RALYL: variants seen among roughly 807,000 people sequenced by gnomAD.
RALYL encodes RNA-binding Raly-like protein.
In RALYL, 29 loss-of-function variants were observed where a neutral mutation model predicts 35.1. The observed-to-expected ratio is 0.83, with a 90% CI of 0.61 to 1.13. The LOEUF (loss-of-function observed/expected upper bound fraction) is 1.13. RALYL is among the 50% of genes most tolerant of loss of function. RALYL has a pLI of 0.00. For synonymous variants in RALYL, 120 were observed against 127.6 expected (o/e 0.94, Z 0.40); for missense variants, 359 against 360.4 (o/e 1.00, Z 0.03).
intron 1 of RALYL, among the ~76,000 whole-genome samples, chr8:84,230,360 T>C (rs953225367): frequency 3.3e-5 from 5 of 152,028 alleles, no homozygotes; most frequent in African/African-American, 1.2e-4. Context: ...TGCAGGAGAA[T>C]TTTTGAGGAT....
At chr8:84,416,758 C>T (rs1401269189) in intron 1 of RALYL, among the ~76,000 whole-genome samples, 1 of 152,002 alleles carries the variant, frequency 6.6e-6, no homozygotes, top group East Asian at 1.9e-4. Flanking sequence ...TAATAGTGAC[C>T]TTTTTACTCC....
intron 2 of RALYL, among the ~76,000 whole-genome samples, chr8:84,618,025 G>C (rs1467926380): frequency 6.6e-6 from 1 of 151,834 alleles, no homozygotes; most frequent in Non-Finnish European, 1.5e-5. Flanking sequence ...TTGCATTAAT[G>C]TTCATCAAGG....
intron 1 of RALYL, among the ~76,000 whole-genome samples, chr8:84,266,843 C>A (rs1196762289): frequency 1.3e-5 from 2 of 151,646 alleles, no homozygotes; most frequent in East Asian, 3.9e-4. Flanking sequence ...GCCTGTAGTC[C>A]CAGCTACTCG....
chr8:84,499,187 G>A (rs529782353), intron 1 of RALYL, among the ~76,000 whole-genome samples: 12 of 151,444 alleles, frequency 7.9e-5, no homozygotes, highest in African/African-American at 1.5e-4. Context: ...TCTAGGGCAC[G>A]CATCATTCAG....
chr8:84,467,655 A>G (rs2133575872), intron 1 of RALYL, among the ~76,000 whole-genome samples: 1 of 152,164 alleles, frequency 6.6e-6, no homozygotes, highest in East Asian at 1.9e-4. Context: ...GATGTCTATT[A>G]GGTCCACTTG....
In RALYL at chr8:84,722,617, T is replaced by TATATATATATATATATATA. The variant is rs1554546342; in HGVS notation, c.257-51962_257-51961insATATATATATATATATATA. Among the ~76,000 whole-genome samples, 131 of 97,336 alleles carry TATATATATATATATATATA rather than the reference T, an allele frequency of 1.3e-3. 5 individuals are homozygous for TATATATATATATATATATA. Among genetic ancestry groups the TATATATATATATATATATA allele is most frequent in the Middle Eastern group, 5.4e-3 (1 of 186 alleles). The allele number at this position is 97,336 out of a possible 152,430, so 63.9% of individuals were successfully genotyped here. ...AGGTCAGTATATTCCTAGAGTGATTTTATATATATATATATATATATATAT... is the reference window on the plus strand; with the variant it reads ...AGGTCAGTATATTCCTAGAGTGATTTATATATATATATATATATATATATATATATATATATATATATAT... On this transcript the variant is annotated intron_variant, in intron 2 of 8. Coordinates refer to ENST00000521268, the MANE Select transcript of RALYL (RefSeq NM_173848.7).
At chr8:84,757,941 G>T (rs2133320886) in intron 2 of RALYL, among the ~76,000 whole-genome samples, 1 of 152,102 alleles carries the variant, frequency 6.6e-6, no homozygotes, top group Admixed American at 6.5e-5. Context: ...TAGACTTATA[G>T]GAAAAAGCAA....
chr8:84,343,609 G>GATTTATTT (rs574132680), intron 1 of RALYL, among the ~76,000 whole-genome samples: 14 of 151,734 alleles, frequency 9.2e-5, no homozygotes, highest in African/African-American at 3.1e-4. Context: ...AACACAATAT[G>GATTTATTT]ATTTATTTAT....
At chr8:84,486,806 G>A (rs1182870301) in intron 1 of RALYL, among the ~76,000 whole-genome samples, 3 of 151,988 alleles carry the variant, frequency 2.0e-5, no homozygotes, top group Non-Finnish European at 2.9e-5. Flanking sequence ...GTTTTTAAAT[G>A]TATTTTGTTG....
intron 1 of RALYL, among the ~76,000 whole-genome samples, chr8:84,264,880 T>G (rs993878721): frequency 2.6e-5 from 4 of 152,182 alleles, no homozygotes; most frequent in Non-Finnish European, 5.9e-5. Flanking sequence ...TTACATGATG[T>G]AGGAAAACTG....
chr8:84,520,516 A>G (rs1414446678), intron 1 of RALYL, among the ~76,000 whole-genome samples: 1 of 152,064 alleles, frequency 6.6e-6, no homozygotes, highest in African/African-American at 2.4e-5. Flanking sequence ...GATCTTAGTG[A>G]TTGGATACAT....
At chr8:84,764,965 G>C (rs1813561336) in intron 2 of RALYL, among the ~76,000 whole-genome samples, 1 of 152,178 alleles carries the variant, frequency 6.6e-6, no homozygotes, top group Non-Finnish European at 1.5e-5. Flanking sequence ...AGAGCCCTGG[G>C]TGTGCTGTAC....
chr8:84,485,893 T>C lies in RALYL; in HGVS notation c.-23-43406T>C, dbSNP rs374961302. Among the ~76,000 whole-genome samples the C allele has an allele frequency of 2.0e-5, 3 of 152,118 alleles. No individual in the cohort carries two copies. The East Asian group carries it at 5.8e-4, about 29-fold the overall frequency. ...GCATCTTCCTAATCAGTGTCCACAT[T>C]CTACTGTTGTTCTCCCACAATTCAT... On this transcript the variant is annotated intron_variant, in intron 1 of 8. Coordinates refer to ENST00000521268, the MANE Select transcript of RALYL (RefSeq NM_173848.7).
chr8:84,891,019 A>C (rs1414883353), intron 8 of RALYL, among the ~76,000 whole-genome samples: 1 of 152,172 alleles, frequency 6.6e-6, no homozygotes, highest in Non-Finnish European at 1.5e-5. Context: ...AATGAATAAA[A>C]GAAAAACAAA....
chr8:84,271,821 GGGA>G (rs1834362944), intron 1 of RALYL, among the ~76,000 whole-genome samples: 1 of 152,230 alleles, frequency 6.6e-6, no homozygotes, highest in Admixed American at 6.5e-5. Flanking sequence ...GATCTGTGCT[GGGA>G]GGAGGAGTGG....
At chr8:84,302,642 G>A (rs779316510) in intron 1 of RALYL, among the ~76,000 whole-genome samples, 4 of 152,112 alleles carry the variant, frequency 2.6e-5, no homozygotes, top group African/African-American at 9.7e-5. Context: ...AGCCATTTAC[G>A]GGTTATATGT....
intron 1 of RALYL, among the ~76,000 whole-genome samples, chr8:84,438,849 C>G (rs1439361880): frequency 6.6e-6 from 1 of 152,092 alleles, no homozygotes; most frequent in Non-Finnish European, 1.5e-5. Flanking sequence ...AGTTCTTTCC[C>G]CATTGCTTGT....
chr8:84,361,060 G>T (rs1209555130), intron 1 of RALYL, among the ~76,000 whole-genome samples: 1 of 151,882 alleles, frequency 6.6e-6, no homozygotes, highest in Non-Finnish European at 1.5e-5. Flanking sequence ...TCTTTAGTAA[G>T]AATGAAATGA....
At chr8:84,422,130 T>C (rs2045706397) in intron 1 of RALYL, among the ~76,000 whole-genome samples, 1 of 146,244 alleles carries the variant, frequency 6.8e-6, no homozygotes, top group Non-Finnish European at 1.5e-5. Flanking sequence ...ATGGTACCAG[T>C]TCCTCCTTGT....
Sources: allele counts gnomAD v4.1 joint callset (sites outside exome capture counted in the v4.1 genomes callset), GRCh38; gene constraint gnomAD v4.1.1; transcripts MANE v1.5; gene names NCBI Gene and HGNC (gene_info 2026-07-23, HGNC 2026-07-21).